Variants in ONECUT2 observed in about 807,000 individuals in gnomAD.
ONECUT2 encodes one cut domain family member 2.
In ONECUT2, 10 loss-of-function variants were observed where a neutral mutation model predicts 27.9. The ratio of observed to expected loss-of-function variants is 0.36; its 90% CI spans 0.22 to 0.61. The LOEUF is 0.61. ONECUT2 is among the 20% of genes least tolerant of loss of function. The probability of loss-of-function intolerance (pLI) is 0.73; values close to 1 mark genes in which losing one functional copy is unlikely to be tolerated. For missense variants in ONECUT2, 686 were observed against 721.0 expected (o/e 0.95, Z 0.56); for synonymous variants, 334 against 315.1 (o/e 1.06, Z -0.64).
At chr18:57,446,936 G>A (rs2050203174) in intron 1 of ONECUT2, among the ~76,000 whole-genome samples, 1 of 152,224 alleles carries the variant, frequency 6.6e-6, no homozygotes, top group Non-Finnish European at 1.5e-5. Flanking sequence ...AGTGAGGGCT[G>A]TGCCAACTGT....
intron 1 of ONECUT2, among the ~76,000 whole-genome samples, chr18:57,447,711 G>C (rs935292637): frequency 1.1e-4 from 16 of 152,130 alleles, no homozygotes; most frequent in African/African-American, 3.9e-4. Flanking sequence ...TACACAAACG[G>C]ATGCTTTTGT....
intron 1 of ONECUT2, among the ~76,000 whole-genome samples, chr18:57,455,220 G>A (rs2050252430): frequency 6.6e-6 from 1 of 152,014 alleles, no homozygotes; most frequent in African/African-American, 2.4e-5. Context: ...CTCCTGTTTT[G>A]GTTCACACCA....
chr18:57,449,339 A>G (rs886362579), intron 1 of ONECUT2, among the ~76,000 whole-genome samples: 2 of 152,160 alleles, frequency 1.3e-5, no homozygotes, highest in Non-Finnish European at 2.9e-5. Context: ...GTTAATAAAT[A>G]CTTTTCTTTT....
At chr18:57,447,554 A>G (rs896575939) in intron 1 of ONECUT2, among the ~76,000 whole-genome samples, 1 of 152,096 alleles carries the variant, frequency 6.6e-6, no homozygotes, top group African/African-American at 2.4e-5. Flanking sequence ...GAGCATTACC[A>G]CCGCTGGGGG....
chr18:57,479,344 A>G lies in ONECUT2; in HGVS notation c.*2621A>G, dbSNP rs1026680770. 6.6e-6 allele frequency: 1 copy of G among 152,596 alleles called. No homozygotes were observed. The highest frequency in any genetic ancestry group is 6.5e-5 in the Admixed American group (1 of 15,284). 9.5% of individuals were successfully genotyped at this position (152,596 alleles called of 1,614,324 possible). ...GTTGCATTTCTAAAGAAAGATATAT[A>G]TAATATATAAAATACATATATAGAT... On this transcript the variant is annotated 3_prime_UTR_variant, in exon 2 of 2. Transcript: ENST00000491143.
At chr18:57,461,614 G>A (rs537609997) in intron 1 of ONECUT2, among the ~76,000 whole-genome samples, 4 of 152,386 alleles carry the variant, frequency 2.6e-5, no homozygotes, top group Admixed American at 2.6e-4. Flanking sequence ...CATTAGTAGA[G>A]TGGGCAAATG....
At chr18:57,454,906 T>A (rs550755077) in intron 1 of ONECUT2, among the ~76,000 whole-genome samples, 72 of 152,338 alleles carry the variant, frequency 4.7e-4, no homozygotes, top group Admixed American at 1.2e-3. Flanking sequence ...TAGATTGGAA[T>A]ACAGTCCATT....
rs2050394351 is a variant in ONECUT2, at chr18:57,478,016, C to A, written c.*1293C>A. 1 of 152,618 alleles carries A rather than the reference C, an allele frequency of 6.6e-6. No individual in the cohort carries two copies. The highest frequency in any genetic ancestry group is 1.5e-5 in the Non-Finnish European group (1 of 68,040). 9.5% of individuals were successfully genotyped at this position (152,618 alleles called of 1,614,324 possible). The stretch of plus-strand genomic sequence containing the variant: ...AGCACACCAAAGAAGCAGAATACTG[C>A]AAACCAAAGACATTTATGACTTGTC... On this transcript the variant is annotated 3_prime_UTR_variant, in exon 2 of 2. Coordinates refer to ENST00000491143, the MANE Select transcript of ONECUT2 (RefSeq NM_004852.3).
rs2050445517 is a variant in ONECUT2, at chr18:57,487,760, G to A, written c.*11037G>A. On this transcript the variant is annotated 3_prime_UTR_variant, in exon 2 of 2. Coordinates refer to ENST00000491143, the MANE Select transcript of ONECUT2 (RefSeq NM_004852.3). ...ATCTACCATCTAAAAGGTAATATAA[G>A]AAGAAGTTTTGAAACCCACTTTAGG... 1 of 152,136 alleles carries A rather than the reference G, an allele frequency of 6.6e-6. No individual in the cohort carries two copies. Among genetic ancestry groups the A allele is most frequent in the Non-Finnish European group, 1.5e-5 (1 of 68,016 alleles). The allele number at this position is 152,136 out of a possible 1,614,324, so 9.4% of individuals were successfully genotyped here.
chr18:57,439,275 C>T (rs1475141671), intron 1 of ONECUT2, among the ~76,000 whole-genome samples: 3 of 152,198 alleles, frequency 2.0e-5, no homozygotes, highest in East Asian at 3.9e-4. Context: ...GGGACAGGCC[C>T]GGGACAGCAC....
At chr18:57,453,669 A>G (rs190539637) in intron 1 of ONECUT2, among the ~76,000 whole-genome samples, 1 of 11,752 alleles carries the variant, frequency 8.5e-5, no homozygotes, top group East Asian at 2.9e-3. Flanking sequence ...AACTTCTTTC[A>G]TGCATTAGCC....
rs576874726 is a variant in ONECUT2, at chr18:57,488,146, T to C, written c.*11423T>C. The C allele has an allele frequency of 1.3e-5, 2 of 152,768 alleles. No individual in the cohort carries two copies. Among genetic ancestry groups the C allele is most frequent in the South Asian group, 4.1e-4 (2 of 4,826 alleles). 9.5% of individuals were successfully genotyped at this position (152,768 alleles called of 1,614,324 possible). Reference sequence around the variant, plus strand: ...ACATATTTTTATTTGGCCTTATAAATTAGGTTGTGGTAATGTAAACTTTGA... The same window carrying C: ...ACATATTTTTATTTGGCCTTATAAACTAGGTTGTGGTAATGTAAACTTTGA... On this transcript the variant is annotated 3_prime_UTR_variant, in exon 2 of 2. Transcript: ENST00000491143.
At position 57,435,420 on chromosome 18, in the gene ONECUT2, C is replaced by T. The variant is rs1166249596; in HGVS notation, c.-297C>T. Among the ~76,000 whole-genome samples, 1 of 151,760 alleles carries T rather than the reference C, an allele frequency of 6.6e-6. No homozygotes were observed. The highest frequency in any genetic ancestry group is 1.5e-5 in the Non-Finnish European group (1 of 67,912). ...CGCTCACCCAAACAGAAGACGTCGG[C>T]GCCGGAGCGGGCTCGGACATGGCGA... On this transcript the variant is annotated 5_prime_UTR_variant, in exon 1 of 2. Coordinates refer to ENST00000491143, the MANE Select transcript of ONECUT2 (RefSeq NM_004852.3).
chr18:57,435,626 C>A lies in ONECUT2; in HGVS notation c.-91C>A. The stretch of plus-strand genomic sequence containing the variant: ...TCTCCACTCACTCCCGCGCCCGCCC[C>A]CACTCCCGCAGCCGAGCCCCGCCAC... On this transcript the variant is annotated 5_prime_UTR_variant, in exon 1 of 2. Coordinates refer to ENST00000491143, the MANE Select transcript of ONECUT2 (RefSeq NM_004852.3). 1 of 980,216 alleles carries A rather than the reference C, an allele frequency of 1.0e-6. No homozygotes were observed. Among genetic ancestry groups the A allele is most frequent in the Non-Finnish European group, 1.2e-6 (1 of 822,912 alleles). 60.7% of individuals were successfully genotyped at this position (980,216 alleles called of 1,614,324 possible).
intron 1 of ONECUT2, among the ~76,000 whole-genome samples, chr18:57,442,926 A>AGTTT (rs1354604788): frequency 6.6e-6 from 1 of 152,136 alleles, no homozygotes; most frequent in Admixed American, 6.5e-5. Flanking sequence ...TGAGGGAAGG[A>AGTTT]GAGCCAGCCT....
At chr18:57,470,722 T>G (rs1472773595) in intron 1 of ONECUT2, among the ~76,000 whole-genome samples, 1 of 151,938 alleles carries the variant, frequency 6.6e-6, no homozygotes, top group African/African-American at 2.4e-5. Flanking sequence ...CCAACCTGTA[T>G]CTGCCTCCCT....
chr18:57,438,420 C>T (rs2050155956), intron 1 of ONECUT2, among the ~76,000 whole-genome samples: 1 of 152,248 alleles, frequency 6.6e-6, no homozygotes, highest in Non-Finnish European at 1.5e-5. Flanking sequence ...GCCAGCCTCG[C>T]ACAGCTCGCT....
rs142240303 is a variant in ONECUT2, at chr18:57,445,333, G to T, written c.1228+8389G>T. Among the ~76,000 whole-genome samples, 705 of 152,344 alleles carry T rather than the reference G, an allele frequency of 4.6e-3. 9 individuals carry two copies. The highest frequency in any genetic ancestry group is 0.016 in the African/African-American group (661 of 41,566). On this transcript the variant is annotated intron_variant, in intron 1 of 1. Transcript: ENST00000491143. ...GTGGGAAGCAACGGGTAGAACTTTTGTTGTGGAGCAGAGTAGACGCAATAG... is the reference window on the plus strand; with the variant it reads ...GTGGGAAGCAACGGGTAGAACTTTTTTTGTGGAGCAGAGTAGACGCAATAG...
At chr18:57,476,267 G>A (rs914786927) in intron 1 of ONECUT2, among the ~76,000 whole-genome samples, 170 bp from the exon 2 acceptor site, 5 of 152,234 alleles carry the variant, frequency 3.3e-5, no homozygotes, top group African/African-American at 1.2e-4. Context: ...ACTCACTGAT[G>A]CCTTCCATCA....
Sources: allele counts gnomAD v4.1 joint callset (sites outside exome capture counted in the v4.1 genomes callset), GRCh38; gene constraint gnomAD v4.1.1; transcripts MANE v1.5; gene names NCBI Gene and HGNC (gene_info 2026-07-23, HGNC 2026-07-21).